NTNG1: variants seen among roughly 807,000 people sequenced by gnomAD.
The protein encoded by NTNG1 is netrin-G1.
Under a neutral mutation model 54.0 loss-of-function variants are expected in NTNG1, and 16 were observed. That is an observed-to-expected ratio of 0.30 (90% confidence interval 0.20 to 0.45). The LOEUF (loss-of-function observed/expected upper bound fraction) is 0.45, where lower values mean the gene tolerates loss of function less well. Ranked by LOEUF, NTNG1 falls within the 20% of genes least tolerant of loss-of-function variation. The probability of loss-of-function intolerance (pLI) is 1.00; values close to 1 mark genes in which losing one functional copy is unlikely to be tolerated. For synonymous variants in NTNG1, 255 were observed against 263.1 expected, an observed-to-expected ratio of 0.97 and a Z score of 0.30; for missense variants, 530 against 678.7, an observed-to-expected ratio of 0.78 and a Z score of 2.43.
chr1:107,200,860 T>C (rs1557803985), intron 2 of NTNG1, among the ~76,000 whole-genome samples: 1 of 151,844 alleles, frequency 6.6e-6, no homozygotes, highest in African/African-American at 2.4e-5. Flanking sequence ...ACTCAGTAAG[T>C]ATATTTTTCT....
intron 2 of NTNG1, among the ~76,000 whole-genome samples, chr1:107,292,614 A>G (rs1306101151): frequency 6.6e-6 from 1 of 152,176 alleles, no homozygotes; most frequent in Non-Finnish European, 1.5e-5. Flanking sequence ...AGATGGGCTC[A>G]CACATGCTCA....
chr1:107,480,407 C>T (rs1007440359), intron 7 of NTNG1, among the ~76,000 whole-genome samples: 1 of 151,926 alleles, frequency 6.6e-6, no homozygotes, highest in Non-Finnish European at 1.5e-5. Context: ...ATGAAAAGGA[C>T]TAATATGATA....
chr1:107,200,462 GT>G (rs1197438632), intron 2 of NTNG1, among the ~76,000 whole-genome samples: 1 of 149,598 alleles, frequency 6.7e-6, no homozygotes, highest in East Asian at 2.0e-4. Context: ...CTTTCATAAT[GT>G]TTTCATGAAG....
chr1:107,400,560 T>C (rs190480915), intron 4 of NTNG1, among the ~76,000 whole-genome samples: 60 of 152,254 alleles, frequency 3.9e-4, no homozygotes, highest in Admixed American at 3.5e-3. Context: ...GATTTAAACT[T>C]AGGTCTGTCT....
intron 2 of NTNG1, 45 bp from the exon 3 acceptor site, chr1:107,324,237 G>C (rs780845442): frequency 1.3e-6 from 2 of 1,579,190 alleles, no homozygotes; most frequent in African/African-American, 2.7e-5. Flanking sequence ...AAGACTTGTG[G>C]CAAACCAGTG....
At chr1:107,249,306 A>G (rs1021883600) in intron 2 of NTNG1, among the ~76,000 whole-genome samples, 3 of 151,778 alleles carry the variant, frequency 2.0e-5, no homozygotes, top group Non-Finnish European at 2.9e-5. Flanking sequence ...AACATGGAGA[A>G]ACCCCATCTC....
At chr1:107,381,633 G>GTAC (rs1370831079) in intron 3 of NTNG1, among the ~76,000 whole-genome samples, 1 of 152,198 alleles carries the variant, frequency 6.6e-6, no homozygotes, top group African/African-American at 2.4e-5. Flanking sequence ...GTAACGTGAT[G>GTAC]TACTCTGTGC....
At chr1:107,464,770 T>A (rs1328492433) in intron 7 of NTNG1, among the ~76,000 whole-genome samples, 2 of 152,162 alleles carry the variant, frequency 1.3e-5, no homozygotes, top group African/African-American at 4.8e-5. Context: ...CTGCACCTTT[T>A]TATGGGAAGT....
chr1:107,430,310 G>A (rs1675179193), intron 5 of NTNG1, among the ~76,000 whole-genome samples: 1 of 152,092 alleles, frequency 6.6e-6, no homozygotes, highest in Non-Finnish European at 1.5e-5. Context: ...CCATGGTGAT[G>A]GTACTTAGAC....
intron 2 of NTNG1, among the ~76,000 whole-genome samples, chr1:107,251,385 A>G (rs1257899456): frequency 5.9e-5 from 9 of 152,144 alleles, no homozygotes; most frequent in Admixed American, 1.3e-4. Context: ...ATTCCAGCCA[A>G]ACCATTCCCC....
intron 3 of NTNG1, among the ~76,000 whole-genome samples, chr1:107,343,536 A>G (rs1327198107): frequency 6.9e-6 from 1 of 145,704 alleles, no homozygotes; most frequent in African/African-American, 2.6e-5. Flanking sequence ...TCCCCCTTCT[A>G]CTTTTGGCTT....
chr1:107,479,681 G>C (rs1178277907), intron 7 of NTNG1, among the ~76,000 whole-genome samples: 1 of 152,112 alleles, frequency 6.6e-6, no homozygotes, highest in African/African-American at 2.4e-5. Flanking sequence ...CAGTGAAACA[G>C]TGATTATCTA....
At chr1:107,361,362 TATATATATATAC>T (rs1313413454) in intron 3 of NTNG1, among the ~76,000 whole-genome samples, 4 of 51,462 alleles carry the variant, frequency 7.8e-5, no homozygotes, top group African/African-American at 1.2e-4. Context: ...TTATATAACA[TATATATATATAC>T]ATATATATAT....
chr1:107,182,647 T>G (rs966964236), intron 2 of NTNG1, among the ~76,000 whole-genome samples: 1 of 152,138 alleles, frequency 6.6e-6, no homozygotes, highest in African/African-American at 2.4e-5. Flanking sequence ...TAGGCTTTAT[T>G]AAATGTCATC....
At chr1:107,442,895 C>T (rs1381108131) in intron 7 of NTNG1, among the ~76,000 whole-genome samples, 1 of 152,032 alleles carries the variant, frequency 6.6e-6, no homozygotes, top group East Asian at 1.9e-4. Flanking sequence ...AGAACAGGGA[C>T]CATGAATAAT....
At chr1:107,194,233 T>C (rs913274367) in intron 2 of NTNG1, among the ~76,000 whole-genome samples, 2 of 152,044 alleles carry the variant, frequency 1.3e-5, no homozygotes, top group African/African-American at 4.8e-5. Flanking sequence ...CAAAGCTGTT[T>C]GGAACAATAA....
intron 2 of NTNG1, among the ~76,000 whole-genome samples, chr1:107,275,792 C>CA: frequency 6.6e-6 from 1 of 152,160 alleles, no homozygotes; most frequent in Non-Finnish European, 1.5e-5. Context: ...GGTAATCTTA[C>CA]AAAAATACCC....
At chr1:107,400,117 G>T (rs1462671584) in intron 4 of NTNG1, among the ~76,000 whole-genome samples, 2 of 152,032 alleles carry the variant, frequency 1.3e-5, no homozygotes, top group Non-Finnish European at 2.9e-5. Flanking sequence ...TCAGCTGTCA[G>T]TAAAGATCTC....
At chr1:107,205,737 A>G (rs573888988) in intron 2 of NTNG1, among the ~76,000 whole-genome samples, 33 of 152,286 alleles carry the variant, frequency 2.2e-4, no homozygotes, top group African/African-American at 7.9e-4. Flanking sequence ...ACTGGCACCC[A>G]GGTAAAGAAT....
Sources: allele counts gnomAD v4.1 joint callset (sites outside exome capture counted in the v4.1 genomes callset), GRCh38; gene constraint gnomAD v4.1.1; transcripts MANE v1.5; gene names NCBI Gene and HGNC (gene_info 2026-07-23, HGNC 2026-07-21).